Variants in DBN1 observed in about 807,000 individuals in gnomAD.
DBN1 encodes the protein drebrin.
A neutral mutation model predicts 83.5 loss-of-function variants in DBN1; 21 were observed. The observed-to-expected ratio is 0.25, with a 90% CI of 0.18 to 0.36. The LOEUF is 0.36. Ranked by LOEUF, DBN1 falls within the 10% of genes least tolerant of loss-of-function variation. DBN1 has a pLI of 1.00. For synonymous variants in DBN1, 381 were observed against 384.9 expected (o/e 0.99, Z 0.12); for missense variants, 874 against 935.7 (o/e 0.93, Z 0.86).
At chr5:177,468,757 A>G in intron 2 of DBN1, 87 bp downstream of exon 2, 1 of 838,744 alleles carries the variant, frequency 1.2e-6, no homozygotes, top group East Asian at 3.0e-5. Flanking sequence ...GCAGGCAGGG[A>G]GGTGGCCTAC....
Position 177,458,546 on chromosome 5 carries a change from C to G in DBN1, c.1426G>C (p.Ala476Pro). 6.2e-7 allele frequency: 1 copy of G among 1,614,172 alleles called. No homozygotes were observed. Among genetic ancestry groups the G allele is most frequent in the Non-Finnish European group, 8.5e-7 (1 of 1,180,002 alleles). Reference sequence around the variant, plus strand: ...GGCTCCACGGGAGCAGCCAGGACAGCCTGCTCTGCAGACTCCATGAACATC... The same window carrying G: ...GGCTCCACGGGAGCAGCCAGGACAGGCTGCTCTGCAGACTCCATGAACATC... ...DLMFMESAEQAVLAAPVEPAT... is the reference protein window; with the variant it reads ...DLMFMESAEQPVLAAPVEPAT... The change falls in exon 13 of 15, where the codon GCT (alanine) becomes CCT (proline). Residue 476 changes from alanine (A) to proline (P), a missense_variant. By Grantham distance (27) the Ala-to-Pro change is conservative (BLOSUM62 -1). Transcript: ENST00000393565.
At chr5:177,468,680 C>T in intron 2 of DBN1, 164 bp downstream of exon 2, 1 of 459,052 alleles carries the variant, frequency 2.2e-6, no homozygotes, top group South Asian at 7.1e-5. Flanking sequence ...CCTCCCCACC[C>T]TGGGGACACA....
At chr5:177,461,846 G>A (rs890201824) in intron 8 of DBN1, among the ~76,000 whole-genome samples, 5 of 152,172 alleles carry the variant, frequency 3.3e-5, no homozygotes, top group African/African-American at 1.2e-4. Flanking sequence ...AGCAAGCACT[G>A]GCTAAATATG....
At chr5:177,458,748 C>T (rs1048880080) in intron 12 of DBN1, 41 bp from the exon 13 acceptor site, 3 of 1,453,808 alleles carry the variant, frequency 2.1e-6, no homozygotes, top group Non-Finnish European at 2.7e-6. Flanking sequence ...ACCGGCTCCC[C>T]TCGGGGAGGA....
intron 3 of DBN1, 77 bp downstream of exon 3, chr5:177,468,024 GCCCCCTT>G: frequency 1.0e-5 from 7 of 696,646 alleles, no homozygotes; most frequent in Admixed American, 2.1e-5. Flanking sequence ...TGGGCCCTCA[GCCCCCTT>G]CCCCAGCCCC....
At chr5:177,470,420 G>C (rs773261335) in intron 1 of DBN1, among the ~76,000 whole-genome samples, 53 of 152,140 alleles carry the variant, frequency 3.5e-4, no homozygotes, top group African/African-American at 1.3e-3. Flanking sequence ...TAGGCTCCCC[G>C]GGGTGCCTTC....
At position 177,466,886 on chromosome 5, in the gene DBN1, G is replaced by C; in HGVS notation, c.707+25C>G. ...GTCAGGGTGCGCCCGGGGGCCCCTG[G>C]AGCGCTCCGGGCGGGCAGGCTCACC... On this transcript the variant is annotated intron_variant, in intron 7 of 14. Transcript: ENST00000393565. The surrounding 1 kb of genome is among the most constrained non-coding windows in gnomAD (Gnocchi z 4.8). 1.2e-6 allele frequency: 2 copies of C among 1,613,534 alleles called. No individual in the cohort carries two copies. Among genetic ancestry groups the C allele is most frequent in the East Asian group, 4.5e-5 (2 of 44,850 alleles).
chr5:177,463,679 G>C (rs1335984631), intron 8 of DBN1, among the ~76,000 whole-genome samples: 1 of 152,196 alleles, frequency 6.6e-6, no homozygotes, highest in Admixed American at 6.5e-5. Context: ...ACTCTCACGT[G>C]AACTATACTT....
At position 177,467,841 on chromosome 5, in the gene DBN1, G is replaced by A. The variant is rs1028789427; in HGVS notation, c.256-24C>T. The A allele has an allele frequency of 1.9e-6, 3 of 1,575,848 alleles. No homozygotes were observed. Among genetic ancestry groups the A allele is most frequent in the Non-Finnish European group, 2.6e-6 (3 of 1,161,228 alleles). ...ACCTGCAAAGTACCCAGCAAAGAGG[G>A]GGTCAGGAAAGGACAAGGGGGGCCC... On this transcript the variant is annotated intron_variant, in intron 3 of 14. Coordinates refer to ENST00000393565, the MANE Select transcript of DBN1 (RefSeq NM_001363541.2). The surrounding 1 kb of genome is among the most constrained non-coding windows in gnomAD (Gnocchi z 9.1).
intron 8 of DBN1, among the ~76,000 whole-genome samples, chr5:177,461,255 C>T (rs896807090): frequency 2.6e-5 from 4 of 151,548 alleles, no homozygotes; most frequent in South Asian, 2.1e-4. Flanking sequence ...CCCGCCACTA[C>T]GCCCGGCTAA....
In DBN1 at chr5:177,467,104, G is replaced by A. The variant is rs1757500575; in HGVS notation, c.556-42C>T. 6.2e-7 allele frequency: 1 copy of A among 1,612,294 alleles called. No individual in the cohort carries two copies. The highest frequency in any genetic ancestry group is 1.7e-5 in the Admixed American group (1 of 59,944). On this transcript the variant is annotated intron_variant, in intron 6 of 14. Coordinates refer to ENST00000393565, the MANE Select transcript of DBN1 (RefSeq NM_001363541.2). The surrounding 1 kb of genome is among the most constrained non-coding windows in gnomAD (Gnocchi z 9.1). ...GAACAAGGGTAGGCCCCGAGCCTAGGCGCCTGGACCCTGCCCCTCCAGCCC... is the reference window on the plus strand; with the variant it reads ...GAACAAGGGTAGGCCCCGAGCCTAGACGCCTGGACCCTGCCCCTCCAGCCC...
rs1443614928 is a variant in DBN1 at position 177,461,138 on chromosome 5, G to A, written c.772-435C>T. Among the ~76,000 whole-genome samples the A allele has an allele frequency of 3.8e-4, 45 of 117,678 alleles. No individual in the cohort carries two copies. In the South Asian group the frequency reaches 4.1e-3, roughly 11 times the overall value. 77.2% of individuals were successfully genotyped at this position (117,678 alleles called of 152,430 possible). A position where few individuals can be genotyped will look rare whatever the true frequency, so the allele number is the denominator to read the frequency against. Reference sequence around the variant, plus strand: ...TTTTGAGACGGAGTCTCGCTCTGTCGCCCAGGCTGGAGTGCAGTGGCGGGA... The same window carrying A: ...TTTTGAGACGGAGTCTCGCTCTGTCACCCAGGCTGGAGTGCAGTGGCGGGA... On this transcript the variant is annotated intron_variant, in intron 8 of 14. Transcript: ENST00000393565.
intron 13 of DBN1, 62 bp downstream of exon 13, chr5:177,457,996 G>A (rs755402859): frequency 6.2e-7 from 1 of 1,603,216 alleles, no homozygotes; most frequent in Non-Finnish European, 8.5e-7. Flanking sequence ...GGAATGCAGG[G>A]CCAGCACCCT....
chr5:177,462,624 A>G (rs1443214523), intron 8 of DBN1, among the ~76,000 whole-genome samples: 4 of 152,172 alleles, frequency 2.6e-5, no homozygotes, highest in Non-Finnish European at 4.4e-5. Context: ...CTCACACACC[A>G]AAGGCTTCTT....
Position 177,467,438 on chromosome 5 carries a change from A to T in DBN1, c.477+43T>A. On this transcript the variant is annotated intron_variant, in intron 5 of 14. Coordinates refer to ENST00000393565, the MANE Select transcript of DBN1 (RefSeq NM_001363541.2). This position sits in a 1 kb window ranked among gnomAD's most constrained non-coding sequence, Gnocchi z 9.1. The stretch of plus-strand genomic sequence containing the variant: ...ACCGGGCAGGCCAGACTCGGGCACC[A>T]GGCCACGCAGGCAGAGCCCACGGGT... The T allele has an allele frequency of 6.2e-7, 1 of 1,610,426 alleles. No individual in the cohort carries two copies.
In DBN1 at chr5:177,467,201, C is replaced by A. The variant is rs1320121257; in HGVS notation, c.555+54G>T. On this transcript the variant is annotated intron_variant, in intron 6 of 14. Coordinates refer to ENST00000393565, the MANE Select transcript of DBN1 (RefSeq NM_001363541.2). The surrounding 1 kb of genome is among the most constrained non-coding windows in gnomAD (Gnocchi z 9.1). The stretch of plus-strand genomic sequence containing the variant: ...CACTGCAGTGAGGGACTCAGACCTG[C>A]CCCATGGGGTCCATGAGGGGTGGCT... The A allele has an allele frequency of 6.2e-7, 1 of 1,609,794 alleles. No homozygotes were observed. Among genetic ancestry groups the A allele is most frequent in the Non-Finnish European group, 8.5e-7 (1 of 1,176,248 alleles).
At chr5:177,464,603 CAATAAATAAATAAATAAATA>C (rs58012739) in intron 8 of DBN1, among the ~76,000 whole-genome samples, 16 of 138,272 alleles carry the variant, frequency 1.2e-4, no homozygotes, top group African/African-American at 2.9e-4. Flanking sequence ...ACTAAAAAGA[CAATAAATAAATAAATAAATA>C]AATAAATAAA....
intron 2 of DBN1, chr5:177,468,642 G>T: frequency 2.3e-6 from 1 of 428,586 alleles, no homozygotes. Context: ...AGCCTCAGAA[G>T]TCCAACATTC....
intron 8 of DBN1, among the ~76,000 whole-genome samples, chr5:177,465,301 A>G (rs2127399498): frequency 6.6e-6 from 1 of 152,392 alleles, no homozygotes; most frequent in South Asian, 2.1e-4. Context: ...TCTTAAGGAC[A>G]TCATGCTAAG....
Sources: allele counts gnomAD v4.1 joint callset (sites outside exome capture counted in the v4.1 genomes callset), GRCh38; gene constraint gnomAD v4.1.1; non-coding constraint Gnocchi (gnomAD v3.1); transcripts MANE v1.5; gene names NCBI Gene and HGNC (gene_info 2026-07-23, HGNC 2026-07-21).